Variants in ARVCF observed in about 807,000 individuals in gnomAD.
ARVCF encodes the protein ARVCF delta catenin family member.
In ARVCF, 66 loss-of-function variants were observed where a neutral mutation model predicts 90.9. That is an observed-to-expected ratio of 0.73 (90% CI 0.60 to 0.89). ARVCF has a LOEUF of 0.89. ARVCF is among the 40% of genes least tolerant of loss of function. ARVCF has a pLI of 0.00. For synonymous variants in ARVCF, 653 were observed against 603.4 expected, an observed-to-expected ratio of 1.08 and a Z score of -1.21; for missense variants, 1,469 against 1,382.3, an observed-to-expected ratio of 1.06 and a Z score of -1.00.
At position 19,981,418 on chromosome 22, in the gene ARVCF, G is replaced by C. The variant is rs761528193; in HGVS notation, c.689C>G (p.Pro230Arg). 64 of 1,576,818 alleles carry C rather than the reference G, an allele frequency of 4.1e-5. No homozygotes were observed. Among genetic ancestry groups the C allele is most frequent in the Admixed American group, 3.5e-4 (19 of 54,436 alleles). ...CACCGGGAAGGCTTCCCGGTGGCCA[G>C]GCAGTGTGAAGCAGCCATCACCAGG... Reference protein sequence around the residue: ...PGPGDGCFTLPGHREAFPVGP... With the variant: ...PGPGDGCFTLRGHREAFPVGP... The change falls in exon 5 of 20, where the codon CCT becomes CGT. Residue 230 changes from proline (P) to arginine (R), a missense_variant. Pro to Arg is a moderately radical substitution (Grantham distance 103). Transcript: ENST00000263207.
intron 2 of ARVCF, among the ~76,000 whole-genome samples, chr22:19,994,305 A>C (rs1944141989): frequency 6.8e-6 from 1 of 147,700 alleles, no homozygotes; most frequent in African/African-American, 2.5e-5. Context: ...CTTATAGATG[A>C]ATGAATGGAT....
intron 16 of ARVCF, 30 bp downstream of exon 16, chr22:19,972,707 C>T: frequency 6.3e-7 from 1 of 1,577,842 alleles, no homozygotes; most frequent in Non-Finnish European, 8.6e-7. Context: ...GGGTCGCCAC[C>T]CTCTAGGCTC....
chr22:20,004,529 T>A (rs760703411), intron 2 of ARVCF, among the ~76,000 whole-genome samples: 2 of 151,946 alleles, frequency 1.3e-5, no homozygotes, highest in Non-Finnish European at 2.9e-5. Context: ...TGACATTGTT[T>A]GCAGAAACAG....
chr22:19,975,879 G>A, intron 10 of ARVCF, 122 bp from the exon 11 acceptor site: 1 of 969,966 alleles, frequency 1.0e-6, no homozygotes, highest in Non-Finnish European at 1.6e-6. Flanking sequence ...CCAGGCCTGG[G>A]CACCTGTGGG....
chr22:20,005,600 A>G (rs1944592876), intron 2 of ARVCF, among the ~76,000 whole-genome samples: 2 of 152,144 alleles, frequency 1.3e-5, no homozygotes, highest in Admixed American at 6.5e-5. Context: ...CGGGTGGATC[A>G]CAAGGTCAGG....
At chr22:19,997,337 C>T (rs927403608) in intron 2 of ARVCF, among the ~76,000 whole-genome samples, 11 of 152,218 alleles carry the variant, frequency 7.2e-5, no homozygotes, top group Non-Finnish European at 1.0e-4. Context: ...GCATGAGCCA[C>T]AGGGAGCCAC....
At chr22:20,002,962 A>G (rs1944496743) in intron 2 of ARVCF, among the ~76,000 whole-genome samples, 1 of 152,246 alleles carries the variant, frequency 6.6e-6, no homozygotes, top group Non-Finnish European at 1.5e-5. Flanking sequence ...GTACAAATCC[A>G]AGAACCACAA....
chr22:19,982,763 G>A (rs747709669), intron 3 of ARVCF, among the ~76,000 whole-genome samples: 35 of 152,342 alleles, frequency 2.3e-4, no homozygotes, highest in Non-Finnish European at 8.8e-5. Flanking sequence ...CTTGAGTGTT[G>A]TGTAGGCACA....
At chr22:19,968,581 G>A (rs775712233), downstream of ARVCF, 26 of 1,613,972 alleles carry the variant, frequency 1.6e-5, no homozygotes, top group Admixed American at 3.8e-4. Flanking sequence ...GGCTGACAAC[G>A]TGATCTGCCC....
At chr22:20,011,571 G>A (rs551815085) in intron 1 of ARVCF, among the ~76,000 whole-genome samples, 166 of 152,286 alleles carry the variant, frequency 1.1e-3, no homozygotes, top group African/African-American at 3.5e-3. Flanking sequence ...GGGATCATGG[G>A]GGGTGGGATG....
chr22:19,996,106 G>A (rs1401894013), intron 2 of ARVCF, among the ~76,000 whole-genome samples: 1 of 152,168 alleles, frequency 6.6e-6, no homozygotes, highest in East Asian at 1.9e-4. Flanking sequence ...CTCAAGCTGG[G>A]ACAGGGCCAG....
In ARVCF at chr22:20,004,032, T is replaced by A. The variant is rs528329124; in HGVS notation, c.-19+6423A>T. 3.9e-5 allele frequency among the ~76,000 whole-genome samples: 6 copies of A among 152,134 alleles called. No homozygotes were observed. The South Asian group carries it at 1.2e-3, about 32-fold the overall frequency. ...AAATGAAATCAGCAAAGGTGCAGGA[T>A]AAAAAATGAATACCCAGAAATCAGT... On this transcript the variant is annotated intron_variant, in intron 2 of 19. Coordinates refer to ENST00000263207, the MANE Select transcript of ARVCF (RefSeq NM_001670.3).
intron 3 of ARVCF, 98 bp downstream of exon 3, chr22:19,990,487 G>A (rs1306499501): frequency 5.0e-6 from 7 of 1,392,606 alleles, no homozygotes; most frequent in Non-Finnish European, 5.9e-6. Context: ...AGCAAATCTT[G>A]CAATAAGCGA....
intron 2 of ARVCF, among the ~76,000 whole-genome samples, chr22:20,007,312 G>C (rs868467012): frequency 2.0e-5 from 3 of 152,232 alleles, no homozygotes; most frequent in Admixed American, 6.5e-5. Context: ...TGAGGCAGGA[G>C]AATTGCTTGA....
intron 2 of ARVCF, 52 bp from the exon 3 acceptor site, chr22:19,990,864 C>T (rs1394833741): frequency 2.6e-6 from 4 of 1,509,908 alleles, no homozygotes; most frequent in Non-Finnish European, 3.6e-6. Flanking sequence ...CCTGGCAAGG[C>T]CATCATGGGC....
At chr22:19,967,703 G>C (rs531276653), downstream of ARVCF, 2 of 261,312 alleles carry the variant, frequency 7.7e-6, no homozygotes, top group African/African-American at 4.6e-5. Context: ...GAGATTGCTT[G>C]TTAACTTTTG....
At chr22:20,010,792 T>G (rs1190694066) in intron 1 of ARVCF, among the ~76,000 whole-genome samples, 1 of 152,230 alleles carries the variant, frequency 6.6e-6, no homozygotes, top group East Asian at 1.9e-4. Context: ...TGTGGACTGA[T>G]AATGACGTCT....
At chr22:20,008,126 G>C (rs1944698787) in intron 2 of ARVCF, among the ~76,000 whole-genome samples, 1 of 152,222 alleles carries the variant, frequency 6.6e-6, no homozygotes, top group Non-Finnish European at 1.5e-5. Flanking sequence ...AGAAAGAGGA[G>C]TGAAGAATTA....
In ARVCF at chr22:19,975,670, ATC is replaced by A; in HGVS notation, c.1960+14_1960+15del. 6.2e-7 allele frequency: 1 copy of A among 1,613,308 alleles called. No individual in the cohort carries two copies. The highest frequency in any genetic ancestry group is 8.5e-7 in the Non-Finnish European group (1 of 1,179,854). On this transcript the variant is annotated intron_variant, in intron 11 of 19. Coordinates refer to ENST00000263207, the MANE Select transcript of ARVCF (RefSeq NM_001670.3). ...GACATCCCCCAGTGGAGCTGGCTTC[ATC>A]TCAGCCCACTCACCTTTGGCGGCCT...
Sources: allele counts gnomAD v4.1 joint callset (sites outside exome capture counted in the v4.1 genomes callset), GRCh38; gene constraint gnomAD v4.1.1; transcripts MANE v1.5; gene names NCBI Gene and HGNC (gene_info 2026-07-23, HGNC 2026-07-21).